Variants in PAX5 observed in about 807,000 individuals in gnomAD.
PAX5 encodes paired box 5.
In PAX5, 9 loss-of-function variants were observed where a neutral mutation model predicts 43.7. That is an observed-to-expected ratio of 0.21 (90% CI 0.12 to 0.36). PAX5 has a LOEUF of 0.36. Ranked by LOEUF, PAX5 falls within the 10% of genes least tolerant of loss-of-function variation. The probability of loss-of-function intolerance (pLI) is 1.00; values close to 1 mark genes in which losing one functional copy is unlikely to be tolerated. For synonymous variants in PAX5, 228 were observed against 214.3 expected (o/e 1.06, Z -0.56); for missense variants, 383 against 532.7 (o/e 0.72, Z 2.77).
chr9:36,876,326 A>C (rs1350856174), intron 8 of PAX5, among the ~76,000 whole-genome samples: 1 of 152,248 alleles, frequency 6.6e-6, no homozygotes, highest in Non-Finnish European at 1.5e-5. Context: ...AATGATGTCC[A>C]TCAATCCATG....
At chr9:36,949,264 G>A (rs1293545610) in intron 6 of PAX5, among the ~76,000 whole-genome samples, 1 of 152,038 alleles carries the variant, frequency 6.6e-6, no homozygotes, top group African/African-American at 2.4e-5. Flanking sequence ...GTTTCACCAT[G>A]CTAGCCAGGA....
intron 5 of PAX5, among the ~76,000 whole-genome samples, chr9:36,980,296 G>T (rs553199275): frequency 6.6e-6 from 1 of 152,240 alleles, no homozygotes; most frequent in Non-Finnish European, 1.5e-5. Flanking sequence ...TCTGCTCAGA[G>T]CTGGCAGAGT....
intron 4 of PAX5, among the ~76,000 whole-genome samples, chr9:37,004,102 C>A (rs1838173044): frequency 6.6e-6 from 1 of 152,228 alleles, no homozygotes; most frequent in Non-Finnish European, 1.5e-5. Flanking sequence ...CAGAACTTAG[C>A]CTTGGGTTTA....
chr9:37,024,196 A>G (rs1840101641), intron 1 of PAX5, among the ~76,000 whole-genome samples: 1 of 152,226 alleles, frequency 6.6e-6, no homozygotes, highest in South Asian at 2.1e-4. Context: ...TATAACTGGT[A>G]AAGATACCTA....
intron 4 of PAX5, among the ~76,000 whole-genome samples, chr9:37,005,774 C>G (rs1241162263): frequency 6.6e-6 from 1 of 152,250 alleles, no homozygotes; most frequent in Non-Finnish European, 1.5e-5. Flanking sequence ...CCCAGCTAAC[C>G]AGCGGTGTTT....
At chr9:36,914,841 C>T (rs767781029) in intron 7 of PAX5, among the ~76,000 whole-genome samples, 8 of 152,204 alleles carry the variant, frequency 5.3e-5, no homozygotes, top group South Asian at 2.1e-4. Context: ...TGTGTGCACA[C>T]GCACATGCAT....
intron 5 of PAX5, 67 bp downstream of exon 5, chr9:37,002,581 G>GCGAC: frequency 6.5e-7 from 1 of 1,547,688 alleles, no homozygotes; most frequent in Non-Finnish European, 8.8e-7. Flanking sequence ...GCTGCCACCC[G>GCGAC]CGACCGAGCG....
At chr9:36,966,066 G>T (rs1213040932) in intron 6 of PAX5, among the ~76,000 whole-genome samples, 5 of 152,232 alleles carry the variant, frequency 3.3e-5, no homozygotes, top group Non-Finnish European at 7.3e-5. Flanking sequence ...TTTGGATTCA[G>T]TCACTAAGAG....
At chr9:36,862,701 C>T (rs1006281523) in intron 8 of PAX5, among the ~76,000 whole-genome samples, 9 of 152,134 alleles carry the variant, frequency 5.9e-5, no homozygotes, top group Admixed American at 5.2e-4. Context: ...GGTTTGCGTG[C>T]CTGTTTCCCG....
At chr9:36,894,423 T>C (rs1018673633) in intron 7 of PAX5, among the ~76,000 whole-genome samples, 2 of 152,292 alleles carry the variant, frequency 1.3e-5, no homozygotes, top group African/African-American at 4.8e-5. Flanking sequence ...AAGGATAGCA[T>C]TCCCCAGACT....
chr9:36,974,804 C>T (rs1345216202), intron 5 of PAX5, among the ~76,000 whole-genome samples: 1 of 152,172 alleles, frequency 6.6e-6, no homozygotes, highest in Non-Finnish European at 1.5e-5. Context: ...CCTTCCAAGG[C>T]TCCCCGGGGA....
At chr9:36,861,529 G>A (rs1241441522) in intron 8 of PAX5, among the ~76,000 whole-genome samples, 3 of 151,372 alleles carry the variant, frequency 2.0e-5, no homozygotes, top group Non-Finnish European at 4.4e-5. Context: ...TGGAATTTTA[G>A]ATGGAGTGAC....
intron 6 of PAX5, among the ~76,000 whole-genome samples, chr9:36,949,120 G>A (rs568202235): frequency 6.6e-6 from 1 of 152,268 alleles, no homozygotes; most frequent in East Asian, 1.9e-4. Flanking sequence ...GGAGTGCAGT[G>A]GCACAATCTC....
At chr9:36,881,963 G>A (rs999856789) in intron 8 of PAX5, 41 bp downstream of exon 8, 16 of 1,484,420 alleles carry the variant, frequency 1.1e-5, no homozygotes, top group African/African-American at 2.8e-5. Context: ...CCGAAACCCC[G>A]TCCGCTGCCT....
At position 37,006,721 on chromosome 9, in the gene PAX5, T is replaced by C. The variant is rs148609463; in HGVS notation, c.411-184A>G. Among the ~76,000 whole-genome samples the C allele has an allele frequency of 1.9e-4, 29 of 152,372 alleles. No individual in the cohort carries two copies. In the East Asian group the frequency reaches 4.0e-3, roughly 21 times the overall value. On this transcript the variant is annotated intron_variant, in intron 3 of 9. Coordinates refer to ENST00000358127, the MANE Select transcript of PAX5 (RefSeq NM_016734.3). ...TGGAATCAGGAGGGTGGAAGGTTTATGGACTAGTCCCAACTTTGCTTCTGT... is the reference window on the plus strand; with the variant it reads ...TGGAATCAGGAGGGTGGAAGGTTTACGGACTAGTCCCAACTTTGCTTCTGT...
intron 5 of PAX5, among the ~76,000 whole-genome samples, chr9:36,995,135 CCCCCAA>C (rs1564055507): frequency 6.6e-6 from 1 of 152,228 alleles, no homozygotes; most frequent in Non-Finnish European, 1.5e-5. Context: ...CTCCTTCCTG[CCCCCAA>C]AGCCACACTG....
intron 6 of PAX5, among the ~76,000 whole-genome samples, chr9:36,952,492 T>A (rs1244875218): frequency 6.6e-6 from 1 of 152,156 alleles, no homozygotes; most frequent in Non-Finnish European, 1.5e-5. Context: ...ATTGATATAA[T>A]TGGATTCATA....
chr9:36,926,380 G>T (rs1260655506), intron 6 of PAX5, among the ~76,000 whole-genome samples: 1 of 152,206 alleles, frequency 6.6e-6, no homozygotes, highest in African/African-American at 2.4e-5. Flanking sequence ...ATGTCAGTGG[G>T]TATGTGTGTA....
intron 5 of PAX5, among the ~76,000 whole-genome samples, chr9:36,971,751 C>T (rs1342936480): frequency 2.0e-5 from 3 of 152,266 alleles, no homozygotes; most frequent in African/African-American, 4.8e-5. Flanking sequence ...AGCCCCGTCT[C>T]GGGGAGCAAA....
Sources: allele counts gnomAD v4.1 joint callset (sites outside exome capture counted in the v4.1 genomes callset), GRCh38; gene constraint gnomAD v4.1.1; transcripts MANE v1.5; gene names NCBI Gene and HGNC (gene_info 2026-07-23, HGNC 2026-07-21).